Variants in HPSE2 observed in about 807,000 individuals in gnomAD.
HPSE2 encodes heparanase 2 (inactive), also known as inactive heparanase-2.
A neutral mutation model predicts 60.5 loss-of-function variants in HPSE2; 38 were observed. That is an observed-to-expected ratio of 0.63 (90% CI 0.48 to 0.82). HPSE2 has a LOEUF of 0.82. Ranked by LOEUF, HPSE2 falls within the 40% of genes least tolerant of loss-of-function variation. HPSE2 has a pLI of 0.00. For synonymous variants in HPSE2, 295 were observed against 293.2 expected, an observed-to-expected ratio of 1.01 and a Z score of -0.06; for missense variants, 713 against 740.4, an observed-to-expected ratio of 0.96 and a Z score of 0.43.
At chr10:98,698,668 C>G (rs990763982) in intron 5 of HPSE2, among the ~76,000 whole-genome samples, 70 of 151,946 alleles carry the variant, frequency 4.6e-4, no homozygotes, top group African/African-American at 1.7e-3. Context: ...AATAGAGACA[C>G]AAAAAACCCT....
the HPSE2 span, among the ~76,000 whole-genome samples, chr10:99,246,318 A>G: frequency 2.0e-5 from 3 of 152,212 alleles, no homozygotes; most frequent in Admixed American, 2.0e-4. Flanking sequence ...TCCAAAGAGG[A>G]ATAAGAATAT....
At chr10:99,167,733 A>G (rs2133791716) in intron 2 of HPSE2, among the ~76,000 whole-genome samples, 1 of 152,026 alleles carries the variant, frequency 6.6e-6, no homozygotes, top group East Asian at 1.9e-4. Context: ...GTGTGTGTGT[A>G]TTCATGTCCA....
chr10:98,755,815 G>A (rs1949865593), intron 3 of HPSE2, among the ~76,000 whole-genome samples: 1 of 152,000 alleles, frequency 6.6e-6, no homozygotes, highest in African/African-American at 2.4e-5. Context: ...GGCCAACATG[G>A]TGAAACCCCA....
chr10:98,953,176 G>A (rs1046380674), intron 3 of HPSE2, among the ~76,000 whole-genome samples: 1 of 152,172 alleles, frequency 6.6e-6, no homozygotes, highest in Non-Finnish European at 1.5e-5. Flanking sequence ...TCTGGTAGCA[G>A]GGTAAACCTG....
chr10:99,300,721 C>T, the HPSE2 span, among the ~76,000 whole-genome samples: 8 of 152,290 alleles, frequency 5.3e-5, no homozygotes, highest in South Asian at 8.3e-4. Flanking sequence ...ACCTCCCTTC[C>T]GTCACATATT....
chr10:98,467,547 T>C (rs895353759), intron 11 of HPSE2, among the ~76,000 whole-genome samples: 1 of 152,218 alleles, frequency 6.6e-6, no homozygotes, highest in Non-Finnish European at 1.5e-5. Flanking sequence ...AGTCCGACTG[T>C]GTGTTTGTAT....
At chr10:98,509,429 A>G (rs1942311560) in intron 9 of HPSE2, among the ~76,000 whole-genome samples, 2 of 152,234 alleles carry the variant, frequency 1.3e-5, no homozygotes, top group South Asian at 4.1e-4. Context: ...GAGATATTTA[A>G]GAGATAGCAT....
the HPSE2 span, among the ~76,000 whole-genome samples, chr10:99,285,187 T>C: frequency 6.6e-6 from 1 of 151,768 alleles, no homozygotes; most frequent in East Asian, 1.9e-4. Flanking sequence ...CCCAACACTT[T>C]GGCAGGCTGA....
At chr10:98,741,197 A>G (rs1414159361) in intron 4 of HPSE2, among the ~76,000 whole-genome samples, 1 of 152,190 alleles carries the variant, frequency 6.6e-6, no homozygotes, top group East Asian at 1.9e-4. Flanking sequence ...AATGACCTAT[A>G]GAAATACACA....
chr10:99,068,940 C>T (rs1389162252), intron 3 of HPSE2, among the ~76,000 whole-genome samples: 3 of 152,004 alleles, frequency 2.0e-5, no homozygotes, highest in Non-Finnish European at 4.4e-5. Flanking sequence ...ATTGAACAGA[C>T]CTATAATGAG....
At chr10:98,927,153 G>A (rs1296206100) in intron 3 of HPSE2, among the ~76,000 whole-genome samples, 1 of 151,976 alleles carries the variant, frequency 6.6e-6, no homozygotes, top group Non-Finnish European at 1.5e-5. Context: ...CAATTCCTGG[G>A]TATCCTTGTT....
chr10:98,598,620 C>G (rs1945312755), intron 9 of HPSE2, among the ~76,000 whole-genome samples: 2 of 151,830 alleles, frequency 1.3e-5, no homozygotes, highest in Admixed American at 1.3e-4. Context: ...GGTCTGTGTC[C>G]TGGTCCACAG....
At position 99,095,277 on chromosome 10, in the gene HPSE2, AG is replaced by A. The variant is rs201784293; in HGVS notation, c.610+48960del. Among the ~76,000 whole-genome samples, 513 of 152,300 alleles carry A rather than the reference AG, an allele frequency of 3.4e-3. 11 individuals are homozygous for A. The highest frequency in any genetic ancestry group is 0.03 in the Admixed American group (456 of 15,304). ...ACTATCATTGCATATTGTATCTATTAGTATTCAGCATGGTAAAGTTAGTTTC... is the reference window on the plus strand; with the variant it reads ...ACTATCATTGCATATTGTATCTATTATATTCAGCATGGTAAAGTTAGTTTC... On this transcript the variant is annotated intron_variant, in intron 3 of 11. Transcript: ENST00000370552.
chr10:98,778,711 T>G (rs1447702786), intron 3 of HPSE2, among the ~76,000 whole-genome samples: 1 of 152,208 alleles, frequency 6.6e-6, no homozygotes, highest in African/African-American at 2.4e-5. Context: ...ATTGGCTACT[T>G]AGGCAAATCC....
At chr10:99,091,190 T>C (rs979338618) in intron 3 of HPSE2, among the ~76,000 whole-genome samples, 1 of 152,162 alleles carries the variant, frequency 6.6e-6, no homozygotes, top group African/African-American at 2.4e-5. Flanking sequence ...TTTCTGGTAA[T>C]AGCATCCCAT....
chr10:98,737,341 C>A (rs1447111068), intron 4 of HPSE2, among the ~76,000 whole-genome samples: 1 of 138,578 alleles, frequency 7.2e-6, no homozygotes, highest in African/African-American at 2.6e-5. Flanking sequence ...CTCCAGTCTG[C>A]AGCTCCCAGC....
At chr10:99,070,778 T>A (rs1422016181) in intron 3 of HPSE2, among the ~76,000 whole-genome samples, 2 of 152,198 alleles carry the variant, frequency 1.3e-5, no homozygotes, top group African/African-American at 4.8e-5. Context: ...CTGTGACTGG[T>A]TTATTTGACT....
chr10:99,063,857 T>C (rs1970537), intron 3 of HPSE2, among the ~76,000 whole-genome samples: 74,755 of 152,056 alleles, frequency 0.49, 20,835 homozygotes, highest in East Asian at 0.65. Context: ...CTTTGGGAGA[T>C]TGAGCCATGT....
the HPSE2 span, among the ~76,000 whole-genome samples, chr10:99,263,981 C>T: frequency 1.3e-5 from 2 of 152,170 alleles, no homozygotes; most frequent in African/African-American, 4.8e-5. Context: ...TATACTCACT[C>T]TTATTCTCGT....
Sources: allele counts gnomAD v4.1 joint callset (sites outside exome capture counted in the v4.1 genomes callset), GRCh38; gene constraint gnomAD v4.1.1; transcripts MANE v1.5; gene names NCBI Gene and HGNC (gene_info 2026-07-23, HGNC 2026-07-21).